Variants in ADCYAP1R1 observed in about 807,000 individuals in gnomAD.
ADCYAP1R1 encodes the protein ADCYAP receptor type I.
A neutral mutation model predicts 67.6 loss-of-function variants in ADCYAP1R1; 44 were observed. The observed-to-expected ratio is 0.65, with a 90% CI of 0.51 to 0.84. The LOEUF is 0.84. Ranked by LOEUF, ADCYAP1R1 falls within the 40% of genes least tolerant of loss-of-function variation. ADCYAP1R1 has a pLI of 0.00. For missense variants in ADCYAP1R1, 477 were observed against 587.9 expected, an observed-to-expected ratio of 0.81 and a Z score of 1.95; for synonymous variants, 222 against 219.6, an observed-to-expected ratio of 1.01 and a Z score of -0.10.
Position 31,092,630 on chromosome 7 carries a change from T to A in ADCYAP1R1, c.955-14T>A. ...GAATCATGTCCATCTGCTTTTTTTT[T>A]TTTTGCTCCTTAGGTTAACTTTGTG... is the stretch of plus-strand genomic sequence containing the variant. On this transcript the variant is annotated splice_polypyrimidine_tract_variant and intron_variant, in intron 12 of 15. Coordinates refer to ENST00000304166, the MANE Select transcript of ADCYAP1R1 (RefSeq NM_001118.5). 1 of 1,602,126 alleles carries A rather than the reference T, an allele frequency of 6.2e-7. No homozygotes were observed. Among genetic ancestry groups the A allele is most frequent in the South Asian group, 1.1e-5 (1 of 90,010 alleles).
At position 31,106,775 on chromosome 7, in the gene ADCYAP1R1, C is replaced by A; in HGVS notation, c.*91C>A. 7.1e-7 allele frequency: 1 copy of A among 1,414,738 alleles called. No individual in the cohort carries two copies. The highest frequency in any genetic ancestry group is 1.5e-5 in the South Asian group (1 of 67,860). The allele number at this position is 1,414,738 out of a possible 1,614,324, so 87.6% of individuals were successfully genotyped here. A position where few individuals can be genotyped will look rare whatever the true frequency, so the allele number is the denominator to read the frequency against. On this transcript the variant is annotated 3_prime_UTR_variant, in exon 16 of 16. Transcript: ENST00000304166. ...CGCATGTTTGCGCCTCTTCCCTCCCCTTGGGCAGGCCCTGGGCTGGAAGCT... is the reference window on the plus strand; with the variant it reads ...CGCATGTTTGCGCCTCTTCCCTCCCATTGGGCAGGCCCTGGGCTGGAAGCT...
chr7:31,069,906 AG>A (rs898404793), intron 3 of ADCYAP1R1, among the ~76,000 whole-genome samples: 2 of 152,166 alleles, frequency 1.3e-5, no homozygotes, highest in African/African-American at 4.8e-5. Context: ...TGAGGAGAGG[AG>A]GGGGTTTGGA....
Position 31,092,869 on chromosome 7 carries a change from T to G in ADCYAP1R1, c.1046+134T>G, listed in dbSNP as rs551416604. The G allele has an allele frequency of 1.4e-3, 871 of 643,572 alleles. 16 individuals carry two copies. In the South Asian group the frequency reaches 0.015, roughly 11 times the overall value. The allele number at this position is 643,572 out of a possible 1,614,324, so 39.9% of individuals were successfully genotyped here. A position where few individuals can be genotyped will look rare whatever the true frequency, so the allele number is the denominator to read the frequency against. On this transcript the variant is annotated intron_variant, in intron 13 of 15. Transcript: ENST00000304166. ...TCAGCATTTGCAGATCTTCTTCTGA[T>G]TAAAGAGCCTTTAATATAGTTGCCC...
rs1795643118 is a variant in ADCYAP1R1, at chr7:31,084,220, T to C, written c.408T>C (p.Phe136=). 1.2e-6 allele frequency: 2 copies of C among 1,613,980 alleles called. No homozygotes were observed. The highest frequency in any genetic ancestry group is 8.5e-7 in the Non-Finnish European group (1 of 1,180,026). The change falls in exon 7 of 16, where the codon TTT becomes TTC. Residue 136 remains phenylalanine, a synonymous_variant. Transcript: ENST00000304166. ...CTCATTACTTTGATGCCTGTGGGTT[T>C]GATGAATATGAATCTGAGACTGGGG... ...PFPHYFDACG[F]DEYESETGDQ... is the part of the protein sequence containing the mutation.
chr7:31,055,651 A>G (rs1392631932), intron 1 of ADCYAP1R1, among the ~76,000 whole-genome samples: 1 of 152,216 alleles, frequency 6.6e-6, no homozygotes, highest in African/African-American at 2.4e-5. Context: ...CACTGGCCGT[A>G]CAAAAATAGG....
chr7:31,097,181 C>T (rs1796229086), intron 13 of ADCYAP1R1, among the ~76,000 whole-genome samples: 2 of 152,240 alleles, frequency 1.3e-5, no homozygotes, highest in South Asian at 4.1e-4. Context: ...GTGAGCCCTG[C>T]ACCTGTGATA....
chr7:31,089,221 T>G (rs1795867018), intron 12 of ADCYAP1R1, among the ~76,000 whole-genome samples: 1 of 152,152 alleles, frequency 6.6e-6, no homozygotes. Flanking sequence ...CTGAATTCTC[T>G]TATTGGTTTT....
rs531671440 is a variant in ADCYAP1R1 at position 31,095,984 on chromosome 7, C to T, written c.1046+3249C>T. Reference sequence around the variant, plus strand: ...TCAGGGCTTAGCATGTGCTCAGGGTCGACTTGGTCTGGGGCAGGGGTGAGG... The same window carrying T: ...TCAGGGCTTAGCATGTGCTCAGGGTTGACTTGGTCTGGGGCAGGGGTGAGG... On this transcript the variant is annotated intron_variant, in intron 13 of 15. Coordinates refer to ENST00000304166, the MANE Select transcript of ADCYAP1R1 (RefSeq NM_001118.5). Among the ~76,000 whole-genome samples the T allele has an allele frequency of 5.7e-4, 86 of 152,108 alleles. 1 individual carries two copies. The highest frequency in any genetic ancestry group is 1.9e-3 in the African/African-American group (80 of 41,486).
At chr7:31,083,293 T>C (rs568367919) in intron 6 of ADCYAP1R1, among the ~76,000 whole-genome samples, 5 of 151,972 alleles carry the variant, frequency 3.3e-5, no homozygotes, top group East Asian at 3.9e-4. Flanking sequence ...AACCATCGGG[T>C]GAAGGGAGAG....
At chr7:31,069,411 A>G (rs1360598569) in intron 3 of ADCYAP1R1, among the ~76,000 whole-genome samples, 1 of 152,198 alleles carries the variant, frequency 6.6e-6, no homozygotes, top group African/African-American at 2.4e-5. Flanking sequence ...CTTGAAACAC[A>G]CTTGAAAAAG....
chr7:31,110,498 A>G lies in ADCYAP1R1; in HGVS notation c.*3814A>G, dbSNP rs1159939374. 2.0e-5 allele frequency: 3 copies of G among 152,176 alleles called. No individual in the cohort carries two copies. The highest frequency in any genetic ancestry group is 2.1e-4 in the South Asian group (1 of 4,824). 9.4% of individuals were successfully genotyped at this position (152,176 alleles called of 1,614,324 possible). On this transcript the variant is annotated 3_prime_UTR_variant, in exon 16 of 16. Transcript: ENST00000304166. ...CAGGCCTAGCATGGTGCCTGCCACC[A>G]TGGTGGGATCCAGTATGTTTTATAA...
At chr7:31,100,804 G>A (rs1003906179) in intron 13 of ADCYAP1R1, among the ~76,000 whole-genome samples, 3 of 152,106 alleles carry the variant, frequency 2.0e-5, no homozygotes, top group Admixed American at 6.5e-5. Context: ...TAAGCACTTC[G>A]CCCCAAGGAG....
At chr7:31,070,854 C>T (rs887698321) in intron 3 of ADCYAP1R1, among the ~76,000 whole-genome samples, 1 of 152,166 alleles carries the variant, frequency 6.6e-6, no homozygotes, top group Non-Finnish European at 1.5e-5. Context: ...CAGCAAGTTC[C>T]CAGGTGATTT....
In ADCYAP1R1 at chr7:31,087,705, C is replaced by A; in HGVS notation, c.954+9C>A. ...TGGTTGGCTCTATCATGGTGAGTGTCCTTGGGATGAAGAGGAAGGGAAGAG... is the reference window on the plus strand; with the variant it reads ...TGGTTGGCTCTATCATGGTGAGTGTACTTGGGATGAAGAGGAAGGGAAGAG... On this transcript the variant is annotated intron_variant, in intron 12 of 15. Coordinates refer to ENST00000304166, the MANE Select transcript of ADCYAP1R1 (RefSeq NM_001118.5). 6.2e-7 allele frequency: 1 copy of A among 1,611,314 alleles called. No individual in the cohort carries two copies. Among genetic ancestry groups the A allele is most frequent in the Non-Finnish European group, 8.5e-7 (1 of 1,178,424 alleles).
intron 3 of ADCYAP1R1, among the ~76,000 whole-genome samples, chr7:31,070,250 C>T (rs572917428): frequency 6.6e-6 from 1 of 152,246 alleles, no homozygotes; most frequent in East Asian, 1.9e-4. Flanking sequence ...CCAGCATCTC[C>T]TCTTTGCAGG....
intron 12 of ADCYAP1R1, 149 bp downstream of exon 12, chr7:31,087,845 C>T (rs903691082): frequency 1.7e-6 from 1 of 572,892 alleles, no homozygotes; most frequent in Non-Finnish European, 3.1e-6. Context: ...TGCACAAACT[C>T]TTTAGCTATT....
chr7:31,069,939 G>C (rs906961113), intron 3 of ADCYAP1R1, among the ~76,000 whole-genome samples: 5 of 152,224 alleles, frequency 3.3e-5, no homozygotes, highest in Non-Finnish European at 4.4e-5. Flanking sequence ...TTTGTCCCTT[G>C]TTCCAAACCC....
At chr7:31,083,196 C>T (rs755047574) in intron 6 of ADCYAP1R1, among the ~76,000 whole-genome samples, 12 of 152,352 alleles carry the variant, frequency 7.9e-5, no homozygotes, top group African/African-American at 2.6e-4. Context: ...CAGTGTCAGG[C>T]GGGGGCCACA....
At chr7:31,081,426 C>T (rs895937999) in intron 5 of ADCYAP1R1, among the ~76,000 whole-genome samples, 5 of 152,146 alleles carry the variant, frequency 3.3e-5, no homozygotes, top group South Asian at 2.1e-4. Context: ...TTCTGGAGGC[C>T]CTCCCATCCT....
Sources: gnomAD v4.1 joint callset for allele counts (sites outside exome capture counted in the v4.1 genomes callset) on GRCh38, gnomAD v4.1.1 for gene constraint, MANE v1.5 for transcripts, NCBI Gene and HGNC (gene_info 2026-07-23, HGNC 2026-07-21) for gene names.